Variants in DCHS2 observed in about 807,000 individuals in gnomAD.
DCHS2 encodes dachsous cadherin-related 2.
Under a neutral mutation model 182.4 loss-of-function variants are expected in DCHS2, and 142 were observed. The ratio of observed to expected loss-of-function variants is 0.78; its 90% CI spans 0.68 to 0.89. DCHS2 has a LOEUF of 0.89. DCHS2 is among the 40% of genes least tolerant of loss of function. DCHS2 has a pLI of 0.00. For missense variants in DCHS2, 4,319 were observed against 4,198.6 expected (o/e 1.03, Z -0.79); for synonymous variants, 1,740 against 1,663.3 (o/e 1.05, Z -1.12).
Position 154,377,389 on chromosome 4 carries a change from T to C in DCHS2, c.2108A>G (p.Tyr703Cys). The C allele has an allele frequency of 6.2e-7, 1 of 1,613,508 alleles. No individual in the cohort carries two copies. The highest frequency in any genetic ancestry group is 8.5e-7 in the Non-Finnish European group (1 of 1,179,656). ...GLYGFIEYSLYDGFLSYEAPQ... is the reference protein window; with the variant it reads ...GLYGFIEYSLCDGFLSYEAPQ... ...TGCTTCATAGCTCAGGAATCCATCA[T>C]AAAGAGAATATTCAATAAAGCCATA... Residue 703 changes from tyrosine (Y) to cysteine (C), a missense_variant, in exon 2 of 20, where the codon TAT (tyrosine) becomes TGT (cysteine). Transcript: ENST00000357232.
intron 16 of DCHS2, among the ~76,000 whole-genome samples, chr4:154,252,481 C>A (rs1246975251): frequency 1.3e-5 from 2 of 152,030 alleles, no homozygotes; most frequent in Non-Finnish European, 2.9e-5. Flanking sequence ...TGCCCTCAAT[C>A]CTCCCTGACC....
intron 1 of DCHS2, among the ~76,000 whole-genome samples, chr4:154,482,071 A>G (rs1316916314): frequency 2.0e-5 from 3 of 152,230 alleles, no homozygotes; most frequent in Admixed American, 2.0e-4. Flanking sequence ...TTATTGAGAA[A>G]GGAAGACACG....
rs563395890 is a variant in DCHS2 at position 154,237,061 on chromosome 4, C to T, written c.7591G>A (p.Ala2531Thr). The change falls in exon 20 of 20, where the codon GCT (alanine) becomes ACT (threonine). Residue 2531 changes from alanine (A) to threonine (T), a missense_variant. Physicochemically the swap from Ala to Thr is moderately conservative, Grantham distance 58. Transcript: ENST00000357232. ...ASDGGNPDLRALTLVEIGIED... is the reference protein window; with the variant it reads ...ASDGGNPDLRTLTLVEIGIED... ...ATTCCTATCTCCACTAAAGTAAGAGCTCTCAGGTCAGGATTTCCACCATCA... is the reference window on the plus strand; with the variant it reads ...ATTCCTATCTCCACTAAAGTAAGAGTTCTCAGGTCAGGATTTCCACCATCA... 2 of 1,613,868 alleles carry T rather than the reference C, an allele frequency of 1.2e-6. No homozygotes were observed. Among genetic ancestry groups the T allele is most frequent in the African/African-American group, 1.3e-5 (1 of 74,992 alleles).
intron 5 of DCHS2, among the ~76,000 whole-genome samples, 162 bp downstream of exon 5, chr4:154,332,316 C>T (rs1736570350): frequency 6.6e-6 from 1 of 152,202 alleles, no homozygotes; most frequent in South Asian, 2.1e-4. Flanking sequence ...TTATTAAAAA[C>T]CATTATTTCA....
In DCHS2 at chr4:154,395,786, AG is replaced by A. The variant is rs148041957; in HGVS notation, c.2053-18343del. Among the ~76,000 whole-genome samples the A allele has an allele frequency of 7.0e-3, 1,064 of 152,356 alleles. 10 individuals are homozygous for A. The highest frequency in any genetic ancestry group is 0.023 in the African/African-American group (937 of 41,584). On this transcript the variant is annotated intron_variant, in intron 1 of 19. Transcript: ENST00000357232. Reference sequence around the variant, plus strand: ...TCAAATATCCTTAGTGGAGAAAAGCAGGCAAGAAGGAAAGTAGACGAATGAA... The same window carrying A: ...TCAAATATCCTTAGTGGAGAAAAGCAGCAAGAAGGAAAGTAGACGAATGAA...
At chr4:154,324,681 T>G (rs191908270) in intron 7 of DCHS2, among the ~76,000 whole-genome samples, 40 of 152,268 alleles carry the variant, frequency 2.6e-4, no homozygotes, top group African/African-American at 9.1e-4. Flanking sequence ...GTTCAACAGT[T>G]GCTGAGTCAT....
chr4:154,385,172 C>T (rs554524851), intron 1 of DCHS2, among the ~76,000 whole-genome samples: 24 of 148,152 alleles, frequency 1.6e-4, no homozygotes, highest in African/African-American at 5.0e-4. Flanking sequence ...GAACATGCGG[C>T]GTTTGGTTTT....
rs1240875948 is a variant in DCHS2 at position 154,341,134 on chromosome 4, C to T, written c.2477-6030G>A. 2.0e-5 allele frequency among the ~76,000 whole-genome samples: 3 copies of T among 151,964 alleles called. No individual in the cohort carries two copies. In the South Asian group the frequency reaches 6.2e-4, roughly 32 times the overall value. On this transcript the variant is annotated intron_variant, in intron 3 of 19. Transcript: ENST00000357232. The stretch of plus-strand genomic sequence containing the variant: ...TTGTAATCCCAGCACTCTGGGAGGC[C>T]GAGGCGGGTGGATCACGAGGTCAGG...
At chr4:154,262,324 T>G (rs1397375165) in intron 14 of DCHS2, 5 of 152,206 alleles carry the variant, frequency 3.3e-5, no homozygotes, top group African/African-American at 1.2e-4. Context: ...GTCTGTGGGA[T>G]GATTCAAGGC....
intron 1 of DCHS2, among the ~76,000 whole-genome samples, chr4:154,423,158 T>G (rs1269693829): frequency 6.6e-6 from 1 of 152,190 alleles, no homozygotes; most frequent in African/African-American, 2.4e-5. Context: ...GAAGTTTTCA[T>G]CACCTTGAAA....
At chr4:154,263,856 C>T (rs1366606005) in intron 14 of DCHS2, among the ~76,000 whole-genome samples, 1 of 152,018 alleles carries the variant, frequency 6.6e-6, no homozygotes, top group Non-Finnish European at 1.5e-5. Flanking sequence ...AGAAGGATTA[C>T]AATCTGCAGC....
At chr4:154,275,200 T>C (rs1375154213) in intron 13 of DCHS2, among the ~76,000 whole-genome samples, 1 of 152,028 alleles carries the variant, frequency 6.6e-6, no homozygotes, top group Admixed American at 6.6e-5. Context: ...AAGTGTGATA[T>C]TGCCTGCAAA....
At chr4:154,489,175 G>A in intron 1 of DCHS2, 129 bp downstream of exon 1, 1 of 782,596 alleles carries the variant, frequency 1.3e-6, no homozygotes, top group Non-Finnish European at 2.0e-6. Context: ...TGTAGAGGGG[G>A]CACTACCGCC....
At chr4:154,413,336 T>C (rs563690981) in intron 1 of DCHS2, among the ~76,000 whole-genome samples, 1 of 152,360 alleles carries the variant, frequency 6.6e-6, no homozygotes, top group African/African-American at 2.4e-5. Flanking sequence ...AGTTATGGTG[T>C]AGATGAACAC....
At chr4:154,270,951 A>G (rs1041637826) in intron 13 of DCHS2, among the ~76,000 whole-genome samples, 1 of 152,184 alleles carries the variant, frequency 6.6e-6, no homozygotes, top group African/African-American at 2.4e-5. Flanking sequence ...ATTTGTTCAG[A>G]TAGAGCAGGG....
chr4:154,467,927 G>C lies in DCHS2; in HGVS notation c.2052+21377C>G, dbSNP rs73854792. Among the ~76,000 whole-genome samples the C allele has an allele frequency of 6.8e-3, 1,036 of 152,240 alleles. 21 individuals carry two copies. In the South Asian group the frequency reaches 0.069, roughly 10 times the overall value. ...TCATGCCAAGATTATTGAATAGCAT[G>C]AAACAGTTTTGAAGATACATGCACA... On this transcript the variant is annotated intron_variant, in intron 1 of 19. Transcript: ENST00000357232.
chr4:154,452,405 C>A (rs761158027), intron 1 of DCHS2, among the ~76,000 whole-genome samples: 1 of 152,170 alleles, frequency 6.6e-6, no homozygotes, highest in East Asian at 1.9e-4. Context: ...GGGTGGATCG[C>A]CTGGGGTCAG....
At chr4:154,391,280 TA>T in intron 1 of DCHS2, 9 of 1,601,276 alleles carry the variant, frequency 5.6e-6, no homozygotes, top group Non-Finnish European at 7.7e-6. Context: ...CTGATTTCGT[TA>T]TCTCATCCAG....
At chr4:154,258,366 G>C (rs1042029758) in intron 15 of DCHS2, among the ~76,000 whole-genome samples, 6 of 96,142 alleles carry the variant, frequency 6.2e-5, no homozygotes, top group African/African-American at 2.4e-4. Context: ...TAAAAGAAAG[G>C]CTTTTTTTTT....
Sources: gnomAD v4.1 joint callset for allele counts (sites outside exome capture counted in the v4.1 genomes callset) on GRCh38, gnomAD v4.1.1 for gene constraint, MANE v1.5 for transcripts, NCBI Gene and HGNC (gene_info 2026-07-23, HGNC 2026-07-21) for gene names.